The following PALLD variants were observed in gnomAD, a reference collection of about 807,000 sequenced individuals.
PALLD encodes the protein palladin.
PALLD carries 61 observed loss-of-function variants against 123.5 expected under a neutral mutation model. That is an observed-to-expected ratio of 0.49 (90% CI 0.40 to 0.61). PALLD has a LOEUF of 0.61. PALLD is among the 20% of genes least tolerant of loss of function. The pLI, the probability that PALLD is intolerant of heterozygous loss-of-function variation, is 0.00. For missense variants in PALLD, 1,273 were observed against 1,377.0 expected (o/e 0.92, Z 1.20); for synonymous variants, 465 against 496.4 (o/e 0.94, Z 0.84).
chr4:168,715,882 GGAGCCTGCAGT>G (rs1785312747), intron 10 of PALLD, among the ~76,000 whole-genome samples: 2 of 151,992 alleles, frequency 1.3e-5, no homozygotes, highest in Admixed American at 1.3e-4. Flanking sequence ...CCCGGAGGGC[GGAGCCTGCAGT>G]GAGCCGAGAT....
In PALLD at chr4:168,511,475, A is replaced by G. The variant is rs757437721; in HGVS notation, c.-30A>G. 1.3e-6 allele frequency: 2 copies of G among 1,569,254 alleles called. No homozygotes were observed. Among genetic ancestry groups the G allele is most frequent in the African/African-American group, 1.4e-5 (1 of 74,024 alleles). On this transcript the variant is annotated 5_prime_UTR_variant, in exon 2 of 22. Transcript: ENST00000505667. ...TGCCTCTGGCCTTCCTACTGAAAGCAGACACAGAGTGCATGAAGACCGTTC... is the reference window on the plus strand; with the variant it reads ...TGCCTCTGGCCTTCCTACTGAAAGCGGACACAGAGTGCATGAAGACCGTTC...
chr4:168,634,975 A>G (rs573081137), intron 2 of PALLD, among the ~76,000 whole-genome samples: 49 of 152,316 alleles, frequency 3.2e-4, no homozygotes, highest in African/African-American at 1.0e-3. Flanking sequence ...TTTAAAGAAA[A>G]CAGGAAAACG....
At chr4:168,773,350 C>A (rs556344501) in intron 10 of PALLD, among the ~76,000 whole-genome samples, 1 of 152,188 alleles carries the variant, frequency 6.6e-6, no homozygotes, top group Non-Finnish European at 1.5e-5. Context: ...AGGTTTTCTT[C>A]GTGGCAAGCC....
At chr4:168,884,403 C>T (rs1429535831) in intron 10 of PALLD, among the ~76,000 whole-genome samples, 8 of 152,158 alleles carry the variant, frequency 5.3e-5, no homozygotes, top group Non-Finnish European at 1.0e-4. Context: ...GTCACAGGAC[C>T]TCTGCACTGC....
In PALLD at chr4:168,512,051, T is replaced by C. The variant is rs1160038875; in HGVS notation, c.547T>C (p.Phe183Leu). Reference sequence around the variant, plus strand: ...TTTAATTGAGGAGCTAACATCCATATTTAAAGCCGCAAAGCCAAGAAACAG... The same window carrying C: ...TTTAATTGAGGAGCTAACATCCATACTTAAAGCCGCAAAGCCAAGAAACAG... ...ANLIEELTSIFKAAKPRNRSP... is the reference protein window; with the variant it reads ...ANLIEELTSILKAAKPRNRSP... The change falls in exon 2 of 22, where the codon TTT becomes CTT. Residue 183 changes from phenylalanine (F) to leucine (L), a missense_variant. Transcript: ENST00000505667. 6.2e-7 allele frequency: 1 copy of C among 1,614,232 alleles called. No homozygotes were observed. The highest frequency in any genetic ancestry group is 8.5e-7 in the Non-Finnish European group (1 of 1,180,044).
chr4:168,797,037 C>A (rs1738610927), intron 10 of PALLD, among the ~76,000 whole-genome samples: 1 of 152,126 alleles, frequency 6.6e-6, no homozygotes, highest in Admixed American at 6.5e-5. Flanking sequence ...AAGAAACTCA[C>A]CAAATTGAGT....
At chr4:168,663,992 G>A (rs890955144) in intron 2 of PALLD, among the ~76,000 whole-genome samples, 3 of 152,186 alleles carry the variant, frequency 2.0e-5, no homozygotes, top group South Asian at 2.1e-4. Context: ...AGAAATCTGT[G>A]CTCTAATAGA....
In PALLD at chr4:168,813,410, GAAC is replaced by G. The variant is rs1308889993; in HGVS notation, c.1965-77494_1965-77492del. Among the ~76,000 whole-genome samples, 14 of 152,172 alleles carry G rather than the reference GAAC, an allele frequency of 9.2e-5. No individual in the cohort carries two copies. The East Asian group carries it at 2.3e-3, about 25-fold the overall frequency. The stretch of plus-strand genomic sequence containing the variant: ...CCTGCTTTGGAGCAAGGCAGTTACA[GAAC>G]AACAACAACAACAACAAAAATAACA... On this transcript the variant is annotated intron_variant, in intron 10 of 21. Transcript: ENST00000505667.
Sources: gnomAD v4.1 joint callset for allele counts (sites outside exome capture counted in the v4.1 genomes callset) on GRCh38, gnomAD v4.1.1 for gene constraint, MANE v1.5 for transcripts, NCBI Gene and HGNC (gene_info 2026-07-23, HGNC 2026-07-21) for gene names.